Variants in MED13L observed in about 807,000 individuals in gnomAD.
MED13L encodes mediator of RNA polymerase II transcription subunit 13-like.
Under a neutral mutation model 220.9 loss-of-function variants are expected in MED13L, and 7 were observed. That is an observed-to-expected ratio of 0.03 (90% confidence interval 0.02 to 0.06). The LOEUF (loss-of-function observed/expected upper bound fraction) is 0.06, where lower values mean the gene tolerates loss of function less well. Ranked by LOEUF, MED13L falls within the 10% of genes least tolerant of loss-of-function variation. The pLI is 1.00. For synonymous variants in MED13L, 1,011 were observed against 1,015.2 expected, an observed-to-expected ratio of 1.00 and a Z score of 0.08; for missense variants, 1,965 against 2,760.5, an observed-to-expected ratio of 0.71 and a Z score of 6.46.
Position 115,961,044 on chromosome 12 carries a change from C to G in MED13L, c.*222G>C. On this transcript the variant is annotated 3_prime_UTR_variant, in exon 31 of 31. Transcript: ENST00000281928. ...CACCACCGCACTGGCTGAAAGTCAC[C>G]ACTTATGGAAGTTTCCAGGTCCATG... is the stretch of plus-strand genomic sequence containing the variant. 4.8e-6 allele frequency: 3 copies of G among 621,838 alleles called. No individual in the cohort carries two copies. The highest frequency in any genetic ancestry group is 8.5e-6 in the Non-Finnish European group (3 of 354,226). 38.5% of individuals were successfully genotyped at this position (621,838 alleles called of 1,614,324 possible).
rs147938143 is a variant in MED13L at position 116,199,098 on chromosome 12, G to A, written c.310+38370C>T. Among the ~76,000 whole-genome samples, 688 of 152,246 alleles carry A rather than the reference G, an allele frequency of 4.5e-3. 6 individuals are homozygous for A. Among genetic ancestry groups the A allele is most frequent in the African/African-American group, 0.016 (663 of 41,538 alleles). ...AGAAAAAGTTACCATGTTCTTATTT[G>A]CTTGTTCTTTCTCCTTGCTCTGGGA... On this transcript the variant is annotated intron_variant, in intron 2 of 30. Coordinates refer to ENST00000281928, the MANE Select transcript of MED13L (RefSeq NM_015335.5).
At chr12:116,170,284 C>CATTTTTGT (rs895173007) in intron 2 of MED13L, among the ~76,000 whole-genome samples, 2 of 152,176 alleles carry the variant, frequency 1.3e-5, no homozygotes, top group African/African-American at 4.8e-5. Context: ...CCAAAACTCT[C>CATTTTTGT]ATTTTTGTAT....
At chr12:115,961,477 T>C in intron 30 of MED13L, 79 bp from the exon 31 acceptor site, 2 of 1,574,572 alleles carry the variant, frequency 1.3e-6, no homozygotes, top group Non-Finnish European at 1.7e-6. Flanking sequence ...ACATTCCAGA[T>C]CTTAGCAGGA....
At chr12:116,216,870 A>G (rs1883030440) in intron 2 of MED13L, among the ~76,000 whole-genome samples, 1 of 152,244 alleles carries the variant, frequency 6.6e-6, no homozygotes, top group Non-Finnish European at 1.5e-5. Flanking sequence ...AGATGTATCT[A>G]ACTAGCAAGA....
intron 2 of MED13L, among the ~76,000 whole-genome samples, chr12:116,118,901 T>C (rs1325933628): frequency 6.6e-6 from 1 of 152,202 alleles, no homozygotes; most frequent in Non-Finnish European, 1.5e-5. Flanking sequence ...TAGCATAAAA[T>C]GTCTTAAATT....
chr12:116,049,615 G>A (rs1305219650), intron 4 of MED13L, among the ~76,000 whole-genome samples: 4 of 152,148 alleles, frequency 2.6e-5, no homozygotes, highest in East Asian at 3.8e-4. Context: ...AATGCTTTTC[G>A]TTAAGGATTT....
At chr12:116,034,547 A>G (rs1592970953) in intron 4 of MED13L, among the ~76,000 whole-genome samples, 1 of 151,990 alleles carries the variant, frequency 6.6e-6, no homozygotes, top group Admixed American at 6.6e-5. Flanking sequence ...TACAGTGTTG[A>G]CTCTCTTTGT....
At chr12:116,239,971 C>T (rs977588585) in intron 1 of MED13L, among the ~76,000 whole-genome samples, 6 of 152,170 alleles carry the variant, frequency 3.9e-5, no homozygotes, top group East Asian at 1.9e-4. Flanking sequence ...AGTCAGTATA[C>T]ATATGAAGCA....
chr12:116,143,714 C>T (rs1229255806), intron 2 of MED13L, among the ~76,000 whole-genome samples: 1 of 152,108 alleles, frequency 6.6e-6, no homozygotes, highest in Non-Finnish European at 1.5e-5. Context: ...CTACATGTCA[C>T]TATGAAAACA....
At chr12:116,084,286 T>C (rs1201602699) in intron 4 of MED13L, among the ~76,000 whole-genome samples, 1 of 152,186 alleles carries the variant, frequency 6.6e-6, no homozygotes, top group Non-Finnish European at 1.5e-5. Context: ...CTTGAAATGA[T>C]CAAGGAATAA....
chr12:116,250,144 G>A, intron 1 of MED13L, among the ~76,000 whole-genome samples: 1 of 141,296 alleles, frequency 7.1e-6, no homozygotes, highest in African/African-American at 2.6e-5. Context: ...CATTACATAA[G>A]AAAAAACAAA....
intron 3 of MED13L, among the ~76,000 whole-genome samples, chr12:116,108,850 AT>A (rs982943164): frequency 6.6e-6 from 1 of 152,170 alleles, no homozygotes; most frequent in Admixed American, 6.5e-5. Context: ...AATTACTGAC[AT>A]TAACAGTATG....
chr12:116,276,308 TTGTGTGTGTGTGTGTGTG>T (rs372521434), intron 1 of MED13L: 78 of 224,810 alleles, frequency 3.5e-4, no homozygotes, highest in East Asian at 1.1e-3. Flanking sequence ...CTTGTTGCTT[TTGTGTGTGTGTGTGTGTG>T]TGTGTGTGTG....
chr12:116,258,870 C>T (rs1250996450), intron 1 of MED13L, among the ~76,000 whole-genome samples: 1 of 147,422 alleles, frequency 6.8e-6, no homozygotes, highest in African/African-American at 2.5e-5. Context: ...TGAAAAGATG[C>T]TCATAATCTC....
At chr12:116,203,194 G>A (rs920450131) in intron 2 of MED13L, among the ~76,000 whole-genome samples, 1 of 152,136 alleles carries the variant, frequency 6.6e-6, no homozygotes, top group Non-Finnish European at 1.5e-5. Context: ...CTTCAGGCAG[G>A]AATGTTAACA....
rs757682390 is a variant in MED13L at position 116,008,538 on chromosome 12, G to A, written c.1875C>T (p.Asn625=). The stretch of plus-strand genomic sequence containing the variant: ...GCCACCACTTTTCTGATGACTCCGG[G>A]TTCGAGGGCCTAATCCCACAATATA... ...TALYCGIRPS[N]PESSEKWWHS... The change falls in exon 10 of 31, where the codon AAC becomes AAT. Residue 625 remains asparagine (N), a synonymous_variant. Coordinates refer to ENST00000281928, the MANE Select transcript of MED13L (RefSeq NM_015335.5). 2 of 1,613,936 alleles carry A rather than the reference G, an allele frequency of 1.2e-6. No individual in the cohort carries two copies. The highest frequency in any genetic ancestry group is 2.2e-5 in the South Asian group (2 of 91,058).
intron 25 of MED13L, 135 bp downstream of exon 25, chr12:115,975,036 A>T: frequency 1.1e-6 from 1 of 933,358 alleles, no homozygotes; most frequent in Non-Finnish European, 1.7e-6. Context: ...TTTATCCTGT[A>T]CATATAAAAG....
intron 2 of MED13L, among the ~76,000 whole-genome samples, chr12:116,120,852 G>C (rs1465243751): frequency 6.6e-6 from 1 of 152,072 alleles, no homozygotes; most frequent in African/African-American, 2.4e-5. Context: ...GTCTAATTAT[G>C]CATAATGGGA....
At chr12:116,119,529 T>C (rs887801346) in intron 2 of MED13L, among the ~76,000 whole-genome samples, 1 of 152,090 alleles carries the variant, frequency 6.6e-6, no homozygotes, top group Admixed American at 6.6e-5. Flanking sequence ...CTAATCTCCA[T>C]TTTATACATG....
Sources: gnomAD v4.1 joint callset for allele counts (sites outside exome capture counted in the v4.1 genomes callset) on GRCh38, gnomAD v4.1.1 for gene constraint, MANE v1.5 for transcripts, NCBI Gene and HGNC (gene_info 2026-07-23, HGNC 2026-07-21) for gene names.